The following KCNK3 variants were observed in gnomAD, a reference collection of about 807,000 sequenced individuals.
The protein encoded by KCNK3 is potassium two pore domain channel subfamily K member 3, also known as potassium channel subfamily K member 3.
Under a neutral mutation model 27.3 loss-of-function variants are expected in KCNK3, and 9 were observed. That is an observed-to-expected ratio of 0.33 (90% CI 0.20 to 0.57). KCNK3 has a LOEUF of 0.57. Ranked by LOEUF, KCNK3 falls within the 20% of genes least tolerant of loss-of-function variation. KCNK3 has a pLI of 0.87. For missense variants in KCNK3, 391 were observed against 577.7 expected, an observed-to-expected ratio of 0.68 and a Z score of 3.31; for synonymous variants, 278 against 273.8, an observed-to-expected ratio of 1.02 and a Z score of -0.15.
chr2:26,694,306 G>A (rs1670207731), intron 1 of KCNK3, among the ~76,000 whole-genome samples: 1 of 152,190 alleles, frequency 6.6e-6, no homozygotes, highest in Middle Eastern at 3.2e-3. Flanking sequence ...TCCAGAAGCA[G>A]TTTCCTCTGT....
At chr2:26,715,710 G>A (rs1044964789) in intron 1 of KCNK3, among the ~76,000 whole-genome samples, 2 of 152,164 alleles carry the variant, frequency 1.3e-5, no homozygotes, top group Admixed American at 6.5e-5. Context: ...GCCGGGTCGG[G>A]GATTTTCCAC....
chr2:26,728,018 A>T lies in KCNK3; in HGVS notation c.635A>T (p.Gln212Leu). 6.2e-7 allele frequency: 1 copy of T among 1,614,242 alleles called. No homozygotes were observed. Among genetic ancestry groups the T allele is most frequent in the Non-Finnish European group, 8.5e-7 (1 of 1,180,036 alleles). ...GACTACGTGGCGCTGCAGAAGGACC[A>T]GGCCCTGCAGACGCAGCCGCAGTAC... is the stretch of plus-strand genomic sequence containing the variant. ...FGDYVALQKDQALQTQPQYVA... is the reference protein window; with the variant it reads ...FGDYVALQKDLALQTQPQYVA... Residue 212 changes from glutamine to leucine, a missense_variant, in exon 2 of 2, where the codon CAG (glutamine) becomes CTG (leucine). Around this residue, in one of 4 missense-constraint regions of KCNK3, gnomAD observed 38 missense variants for 80.5 expected, o/e 0.47. Coordinates refer to ENST00000302909, the MANE Select transcript of KCNK3 (RefSeq NM_002246.3).
rs112957428 is a variant in KCNK3, at chr2:26,717,384, A to G, written c.284-10283A>G. Among the ~76,000 whole-genome samples, 178 of 152,282 alleles carry G rather than the reference A, an allele frequency of 1.2e-3. 1 individual carries two copies. Among genetic ancestry groups the G allele is most frequent in the African/African-American group, 4.1e-3 (171 of 41,552 alleles). Reference sequence around the variant, plus strand: ...ACCAACACACCCCTGTTTCTCCTCAATGGGCTCAACAGGAAAGGCCTGGGA... The same window carrying G: ...ACCAACACACCCCTGTTTCTCCTCAGTGGGCTCAACAGGAAAGGCCTGGGA... On this transcript the variant is annotated intron_variant, in intron 1 of 1. Transcript: ENST00000302909.
intron 1 of KCNK3, among the ~76,000 whole-genome samples, chr2:26,718,447 A>G (rs1223881345): frequency 6.6e-6 from 1 of 152,150 alleles, no homozygotes; most frequent in Non-Finnish European, 1.5e-5. Context: ...TATAATATTC[A>G]TCGTTTTCTA....
intron 1 of KCNK3, among the ~76,000 whole-genome samples, chr2:26,714,886 A>AAAATAAATAAATAAAT (rs56401258): frequency 4.2e-4 from 62 of 145,910 alleles, no homozygotes; most frequent in Admixed American, 1.2e-3. Context: ...ACTCCATCTC[A>AAAATAAATAAATAAAT]AAATAAATAA....
chr2:26,710,386 T>G (rs1290585074), intron 1 of KCNK3, among the ~76,000 whole-genome samples: 1 of 152,142 alleles, frequency 6.6e-6, no homozygotes, highest in Non-Finnish European at 1.5e-5. Flanking sequence ...TCGGTGCTTC[T>G]CGAGAAGGGT....
intron 1 of KCNK3, 26 bp from the exon 2 acceptor site, chr2:26,727,641 T>G (rs757474267): frequency 6.6e-7 from 1 of 1,510,728 alleles, no homozygotes; most frequent in Non-Finnish European, 8.8e-7. Context: ...TGTGTGCTTT[T>G]TCTCCTCTTT....
chr2:26,692,861 G>A lies in KCNK3; in HGVS notation c.-15G>A. 1 of 1,233,508 alleles carries A rather than the reference G, an allele frequency of 8.1e-7. No homozygotes were observed. The highest frequency in any genetic ancestry group is 1.0e-6 in the Non-Finnish European group (1 of 987,602). The allele number at this position is 1,233,508 out of a possible 1,614,324, so 76.4% of individuals were successfully genotyped here. A position where few individuals can be genotyped will look rare whatever the true frequency, so the allele number is the denominator to read the frequency against. ...CCGGGGGCGCCGGGGGGCCGGCGGCGGCCCGGGCGGGACGATGAAGCGGCA... is the reference window on the plus strand; with the variant it reads ...CCGGGGGCGCCGGGGGGCCGGCGGCAGCCCGGGCGGGACGATGAAGCGGCA... On this transcript the variant is annotated 5_prime_UTR_variant, in exon 1 of 2. Transcript: ENST00000302909. The surrounding 1 kb of genome is among the most constrained non-coding windows in gnomAD (Gnocchi z 5.6).
rs1663336228 is a variant in KCNK3 at position 26,721,951 on chromosome 2, G to A, written c.284-5716G>A. On this transcript the variant is annotated intron_variant, in intron 1 of 1. Transcript: ENST00000302909. The surrounding 1 kb of genome is among the most constrained non-coding windows in gnomAD (Gnocchi z 4.3). ...AGAAGGGCTGGGCCACCCAGAGAAGGAGATCAAAGAATCATATCGTCAGAG... is the reference window on the plus strand; with the variant it reads ...AGAAGGGCTGGGCCACCCAGAGAAGAAGATCAAAGAATCATATCGTCAGAG... 6.6e-6 allele frequency among the ~76,000 whole-genome samples: 1 copy of A among 152,240 alleles called. No individual in the cohort carries two copies. The highest frequency in any genetic ancestry group is 2.4e-5 in the African/African-American group (1 of 41,470).
chr2:26,701,690 C>T (rs1440377692), intron 1 of KCNK3, among the ~76,000 whole-genome samples: 2 of 152,184 alleles, frequency 1.3e-5, no homozygotes, highest in African/African-American at 2.4e-5. Flanking sequence ...GCCTGTGATC[C>T]CAACACTTTG....
rs1375605978 is a variant in KCNK3 at position 26,721,536 on chromosome 2, C to T, written c.284-6131C>T. On this transcript the variant is annotated intron_variant, in intron 1 of 1. Transcript: ENST00000302909. This position sits in a 1 kb window ranked among gnomAD's most constrained non-coding sequence, Gnocchi z 4.3. ...TGCTGCCATCCCCACAACTGAGGGG[C>T]GGCTCCATGTCTGTGCCTCAGGCGC... Among the ~76,000 whole-genome samples the T allele has an allele frequency of 1.3e-5, 2 of 152,336 alleles. No homozygotes were observed. The highest frequency in any genetic ancestry group is 6.5e-5 in the Admixed American group (1 of 15,304).
chr2:26,714,155 G>T (rs1045299243), intron 1 of KCNK3, among the ~76,000 whole-genome samples: 1 of 151,698 alleles, frequency 6.6e-6, no homozygotes, highest in African/African-American at 2.4e-5. Context: ...CCCTCCACAC[G>T]CCAGGCCTTG....
intron 1 of KCNK3, among the ~76,000 whole-genome samples, chr2:26,706,360 T>G (rs536712660): frequency 2.6e-5 from 4 of 152,046 alleles, no homozygotes; most frequent in Non-Finnish European, 5.9e-5. Context: ...AGGTCTGTCT[T>G]TCGCTTCATG....
chr2:26,728,297 A>C lies in KCNK3; in HGVS notation c.914A>C (p.His305Pro). ...GFRNVYAEVL[H>P]FQSMCSCLWY... ...CGCAACGTCTACGCGGAGGTGCTGC[A>C]CTTCCAGTCCATGTGCTCGTGCCTG... is the stretch of plus-strand genomic sequence containing the variant. The change falls in exon 2 of 2, where the codon CAC (histidine) becomes CCC (proline). Residue 305 changes from histidine (H) to proline (P), a missense_variant. His to Pro is a moderately conservative substitution (Grantham distance 77). Transcript: ENST00000302909. 1 of 1,599,936 alleles carries C rather than the reference A, an allele frequency of 6.3e-7. No individual in the cohort carries two copies. Among genetic ancestry groups the C allele is most frequent in the Non-Finnish European group, 8.5e-7 (1 of 1,173,580 alleles).
chr2:26,708,144 C>A (rs550007311), intron 1 of KCNK3, among the ~76,000 whole-genome samples: 228 of 152,128 alleles, frequency 1.5e-3, no homozygotes, highest in African/African-American at 5.3e-3. Flanking sequence ...GACAAGAAAG[C>A]CAGGGGATGA....
At position 26,709,036 on chromosome 2, in the gene KCNK3, G is replaced by A. The variant is rs531750423; in HGVS notation, c.283+15878G>A. On this transcript the variant is annotated intron_variant, in intron 1 of 1. Transcript: ENST00000302909. ...TTGGAGGAGAGGGCTGTAGGAGTTG[G>A]GGGAAGAGAACAATCGAGAATGGTC... is the stretch of plus-strand genomic sequence containing the variant. Among the ~76,000 whole-genome samples the A allele has an allele frequency of 5.0e-4, 76 of 152,334 alleles. No homozygotes were observed. In the Middle Eastern group the frequency reaches 0.017, roughly 34 times the overall value.
In KCNK3 at chr2:26,729,789, T is replaced by C. The variant is rs1572617728; in HGVS notation, c.*1221T>C. 3 of 149,820 alleles carry C rather than the reference T, an allele frequency of 2.0e-5. No individual in the cohort carries two copies. The highest frequency in any genetic ancestry group is 7.4e-5 in the African/African-American group (3 of 40,746). The allele number at this position is 149,820 out of a possible 1,614,324, so 9.3% of individuals were successfully genotyped here. Reference sequence around the variant, plus strand: ...AGGTCGAGGCTGTAGTGAGCCCTGATTGCACCACTGTACTCCAGCCTGGGT... The same window carrying C: ...AGGTCGAGGCTGTAGTGAGCCCTGACTGCACCACTGTACTCCAGCCTGGGT... On this transcript the variant is annotated 3_prime_UTR_variant, in exon 2 of 2. Transcript: ENST00000302909.
At chr2:26,706,774 A>G (rs965699977) in intron 1 of KCNK3, among the ~76,000 whole-genome samples, 1 of 152,152 alleles carries the variant, frequency 6.6e-6, no homozygotes, top group Non-Finnish European at 1.5e-5. Flanking sequence ...GAACTCGTAG[A>G]GGCAGGCATC....
At chr2:26,703,743 G>A (rs1359771034) in intron 1 of KCNK3, among the ~76,000 whole-genome samples, 2 of 152,228 alleles carry the variant, frequency 1.3e-5, no homozygotes, top group Non-Finnish European at 2.9e-5. Flanking sequence ...AGCACAAGTT[G>A]CATGGTGCAC....
Sources: gnomAD v4.1 joint callset for allele counts (sites outside exome capture counted in the v4.1 genomes callset) on GRCh38, gnomAD v4.1.1 for gene constraint, gnomAD v4.1.1 regional missense constraint, Gnocchi (gnomAD v3.1) non-coding constraint, MANE v1.5 for transcripts, NCBI Gene and HGNC (gene_info 2026-07-23, HGNC 2026-07-21) for gene names.